The following SPOCK3 variants were observed in gnomAD, a reference collection of about 807,000 sequenced individuals.
SPOCK3 encodes testican-3.
SPOCK3 carries 30 observed loss-of-function variants against 56.6 expected under a neutral mutation model. The observed-to-expected ratio is 0.53, with a 90% CI of 0.40 to 0.72. The LOEUF (loss-of-function observed/expected upper bound fraction) is 0.72. Ranked by LOEUF, SPOCK3 falls within the 30% of genes least tolerant of loss-of-function variation. The probability of loss-of-function intolerance (pLI) is 0.00; values close to 1 mark genes in which losing one functional copy is unlikely to be tolerated. For synonymous variants in SPOCK3, 196 were observed against 183.3 expected, an observed-to-expected ratio of 1.07 and a Z score of -0.56; for missense variants, 527 against 530.0, an observed-to-expected ratio of 0.99 and a Z score of 0.06.
At chr4:167,217,708 G>C (rs553430901) in intron 2 of SPOCK3, among the ~76,000 whole-genome samples, 2 of 152,020 alleles carry the variant, frequency 1.3e-5, no homozygotes, top group South Asian at 4.2e-4. Flanking sequence ...TTGATTATTA[G>C]GTGAGTTAGC....
In SPOCK3 at chr4:167,210,843, A is replaced by C. The variant is rs146995093; in HGVS notation, c.189+23142T>G. Reference sequence around the variant, plus strand: ...TCTCTCTCTCTGTGTATCTCTCTCTATATATATGCAAACACATTTTTAATT... The same window carrying C: ...TCTCTCTCTCTGTGTATCTCTCTCTCTATATATGCAAACACATTTTTAATT... On this transcript the variant is annotated intron_variant, in intron 2 of 10. Transcript: ENST00000357545. 3.3e-3 allele frequency among the ~76,000 whole-genome samples: 506 copies of C among 152,226 alleles called. 10 individuals carry two copies. Among genetic ancestry groups the C allele is most frequent in the African/African-American group, 7.9e-4 (33 of 41,556 alleles).
chr4:167,155,201 C>T (rs1353416692), intron 2 of SPOCK3, among the ~76,000 whole-genome samples: 1 of 151,960 alleles, frequency 6.6e-6, no homozygotes, highest in Non-Finnish European at 1.5e-5. Flanking sequence ...CTGCAATCTC[C>T]ACCTCCCGGC....
At chr4:166,797,239 T>C (rs1742044589) in intron 6 of SPOCK3, among the ~76,000 whole-genome samples, 1 of 148,418 alleles carries the variant, frequency 6.7e-6, no homozygotes, top group African/African-American at 2.5e-5. Flanking sequence ...CTTTCTTTTT[T>C]TTTTTTTTTT....
At chr4:166,978,252 C>G (rs933895548) in intron 4 of SPOCK3, among the ~76,000 whole-genome samples, 1 of 152,040 alleles carries the variant, frequency 6.6e-6, no homozygotes, top group African/African-American at 2.4e-5. Flanking sequence ...TGAAATAATT[C>G]CTGGCACCTA....
At chr4:166,778,186 T>C (rs1031708751) in intron 7 of SPOCK3, among the ~76,000 whole-genome samples, 6 of 152,202 alleles carry the variant, frequency 3.9e-5, no homozygotes, top group African/African-American at 1.4e-4. Flanking sequence ...CATAAATATT[T>C]ACAATAAAAA....
chr4:167,226,883 ACT>A (rs1336126976), intron 2 of SPOCK3, among the ~76,000 whole-genome samples: 2 of 152,064 alleles, frequency 1.3e-5, no homozygotes, highest in African/African-American at 2.4e-5. Context: ...TTACTCGGGT[ACT>A]CTGATTCAGG....
At chr4:167,223,242 AT>A (rs953861737) in intron 2 of SPOCK3, among the ~76,000 whole-genome samples, 110 of 140,372 alleles carry the variant, frequency 7.8e-4, no homozygotes, top group South Asian at 1.3e-3. Context: ...TATATTTTAT[AT>A]TCATTTATAA....
intron 2 of SPOCK3, among the ~76,000 whole-genome samples, chr4:167,082,830 G>A (rs10032840): frequency 5.3e-4 from 79 of 150,142 alleles, no homozygotes; most frequent in African/African-American, 1.9e-3. Context: ...GGAAGACAGA[G>A]GGAGGGAAGG....
intron 4 of SPOCK3, among the ~76,000 whole-genome samples, chr4:166,938,857 C>T (rs1019216407): frequency 2.0e-5 from 3 of 151,830 alleles, no homozygotes; most frequent in Non-Finnish European, 2.9e-5. Context: ...TGCTAATGTG[C>T]AAAGACAAAT....
At chr4:167,223,081 T>C (rs1736187894) in intron 2 of SPOCK3, among the ~76,000 whole-genome samples, 1 of 113,280 alleles carries the variant, frequency 8.8e-6, no homozygotes, top group Non-Finnish European at 1.7e-5. Flanking sequence ...ATATTTTATA[T>C]ATGAATATAT....
chr4:166,884,342 A>G (rs998591366), intron 6 of SPOCK3, among the ~76,000 whole-genome samples: 1 of 150,848 alleles, frequency 6.6e-6, no homozygotes, highest in Non-Finnish European at 1.5e-5. Flanking sequence ...AAAGAGCGAG[A>G]CTCCATCTCA....
intron 2 of SPOCK3, among the ~76,000 whole-genome samples, chr4:167,119,309 A>G (rs1761679457): frequency 6.6e-6 from 1 of 152,160 alleles, no homozygotes; most frequent in South Asian, 2.1e-4. Flanking sequence ...AGAGGGTGTG[A>G]TCAGAGAGTA....
At chr4:166,949,924 T>A (rs1317315962) in intron 4 of SPOCK3, among the ~76,000 whole-genome samples, 16 of 150,698 alleles carry the variant, frequency 1.1e-4, no homozygotes, top group Non-Finnish European at 2.1e-4. Flanking sequence ...CTAAAAGAGC[T>A]CCTGAAGGAA....
In SPOCK3 at chr4:167,079,609, GA is replaced by G. The variant is rs370994891; in HGVS notation, c.190-17073del. On this transcript the variant is annotated intron_variant, in intron 2 of 10. Transcript: ENST00000357545. ...TTAGATGCCAAAAACACATAAGAAAGAAAAAAAAATCAAATGTAATGGTCAA... is the reference window on the plus strand; with the variant it reads ...TTAGATGCCAAAAACACATAAGAAAGAAAAAAAATCAAATGTAATGGTCAA... 2.4e-3 allele frequency among the ~76,000 whole-genome samples: 355 copies of G among 150,660 alleles called. 2 individuals are homozygous for G. Among genetic ancestry groups the G allele is most frequent in the African/African-American group, 8.1e-3 (333 of 41,118 alleles).
At chr4:166,792,028 C>A (rs1394164309) in intron 7 of SPOCK3, 142 bp downstream of exon 7, 3 of 925,984 alleles carry the variant, frequency 3.2e-6, no homozygotes, top group Non-Finnish European at 4.8e-6. Context: ...TACAGGTGTG[C>A]TTGGAAGTAA....
chr4:167,013,540 A>G (rs1206839233), intron 3 of SPOCK3, among the ~76,000 whole-genome samples: 2 of 151,206 alleles, frequency 1.3e-5, no homozygotes, highest in Non-Finnish European at 3.0e-5. Context: ...CTATTGTATT[A>G]TAAAATATTA....
chr4:166,785,820 A>T (rs1560855007), intron 7 of SPOCK3, among the ~76,000 whole-genome samples: 1 of 152,184 alleles, frequency 6.6e-6, no homozygotes, highest in Non-Finnish European at 1.5e-5. Flanking sequence ...AAGCAGCTAC[A>T]GGCTAATTTA....
Position 167,194,265 on chromosome 4 carries a change from CT to C in SPOCK3, c.189+39719del, listed in dbSNP as rs1206423110. 1.7e-5 allele frequency among the ~76,000 whole-genome samples: 2 copies of C among 119,766 alleles called. 1 individual carries two copies. The highest frequency in any genetic ancestry group is 7.2e-5 in the African/African-American group (2 of 27,942). The allele number at this position is 119,766 out of a possible 152,430, so 78.6% of individuals were successfully genotyped here. ...AATTTATGTTTGGTTCTTTCTTACA[CT>C]TTCTATTTTTGTATGAGACTTCTTA... On this transcript the variant is annotated intron_variant, in intron 2 of 10. Coordinates refer to ENST00000357545, the MANE Select transcript of SPOCK3 (RefSeq NM_001040159.2).
rs1164189682 is a variant in SPOCK3 at position 166,737,465 on chromosome 4, A to C, written c.1132+2T>G. On this transcript the variant is annotated splice_donor_variant, in intron 10 of 10. Coordinates refer to ENST00000357545, the MANE Select transcript of SPOCK3 (RefSeq NM_001040159.2). LOFTEE classifies it high-confidence loss of function. ...TATGAAATAAGTAACCCTTCTCCTTACCACAATCTGCAACACCATTTATTC... is the reference window on the plus strand; with the variant it reads ...TATGAAATAAGTAACCCTTCTCCTTCCCACAATCTGCAACACCATTTATTC... The C allele has an allele frequency of 1.2e-6, 2 of 1,611,566 alleles. No homozygotes were observed. Among genetic ancestry groups the C allele is most frequent in the African/African-American group, 2.7e-5 (2 of 74,854 alleles).
Sources: gnomAD v4.1 joint callset for allele counts (sites outside exome capture counted in the v4.1 genomes callset) on GRCh38, gnomAD v4.1.1 for gene constraint, MANE v1.5 for transcripts, NCBI Gene and HGNC (gene_info 2026-07-23, HGNC 2026-07-21) for gene names.